The following TEX11 variants were observed in gnomAD, a reference collection of about 807,000 sequenced individuals.
TEX11 encodes testis expressed 11.
Under a neutral mutation model 84.4 loss-of-function variants are expected in TEX11, and 7 were observed. The observed-to-expected ratio is 0.08, with a 90% CI of 0.05 to 0.16. The LOEUF (loss-of-function observed/expected upper bound fraction) is 0.16, where lower values mean the gene tolerates loss of function less well. Among genes scored for constraint, TEX11 ranks in the 10% least tolerant of loss-of-function variants. TEX11 has a pLI of 1.00. For missense variants in TEX11, 551 were observed against 660.5 expected, an observed-to-expected ratio of 0.83 and a Z score of 1.82; for synonymous variants, 264 against 222.8, an observed-to-expected ratio of 1.18 and a Z score of -1.64.
intron 12 of TEX11, 122 bp downstream of exon 12, chrX:70,725,140 T>C (rs773650535): frequency 3.5e-4 from 130 of 376,177 alleles, no homozygotes; most frequent in African/African-American, 2.9e-3. Context: ...TCCTGGGTGA[T>C]CATTTTCCTT....
At chrX:70,663,465 A>C (rs1288774422) in intron 16 of TEX11, among the ~76,000 whole-genome samples, 1 of 111,387 alleles carries the variant, frequency 9.0e-6, no homozygotes, top group Admixed American at 9.6e-5. Context: ...GTTTCTCGTA[A>C]ATCTTCCATT....
chrX:70,900,529 A>G (rs1441419176), intron 2 of TEX11, among the ~76,000 whole-genome samples: 1 of 111,171 alleles, frequency 9.0e-6, no homozygotes, highest in Admixed American at 9.7e-5. Context: ...AAAAACTCCG[A>G]ACAACCTAAT....
At chrX:70,899,676 G>A (rs2091791149) in intron 2 of TEX11, among the ~76,000 whole-genome samples, 1 of 107,103 alleles carries the variant, frequency 9.3e-6, no homozygotes, top group Non-Finnish European at 1.9e-5. Flanking sequence ...CTGTAATCTG[G>A]AGGCCGAGGC....
At chrX:70,663,999 T>A (rs1603205817) in intron 16 of TEX11, among the ~76,000 whole-genome samples, 2 of 112,178 alleles carry the variant, frequency 1.8e-5, no homozygotes, top group Middle Eastern at 4.6e-3. Context: ...ACGTAAATGT[T>A]CTGTAAATAG....
At chrX:70,742,894 G>A (rs751322524) in intron 10 of TEX11, among the ~76,000 whole-genome samples, 14 of 110,630 alleles carry the variant, frequency 1.3e-4, no homozygotes, top group African/African-American at 4.6e-4. Context: ...CACTGCACCC[G>A]GCTCCATGAC....
At chrX:70,763,365 T>C (rs2147771168) in intron 9 of TEX11, among the ~76,000 whole-genome samples, 1 of 111,518 alleles carries the variant, frequency 9.0e-6, no homozygotes, top group African/African-American at 3.3e-5. Context: ...GTCTCGTATC[T>C]TCTCACTTAT....
chrX:70,746,081 C>A (rs1003383806), intron 9 of TEX11, among the ~76,000 whole-genome samples: 3 of 111,806 alleles, frequency 2.7e-5, no homozygotes, highest in African/African-American at 9.7e-5. Flanking sequence ...TAAACTAAAT[C>A]TCAGTATAAC....
At chrX:70,799,796 G>A (rs1244572691) in intron 9 of TEX11, among the ~76,000 whole-genome samples, 2 of 111,915 alleles carry the variant, frequency 1.8e-5, no homozygotes, top group Admixed American at 9.5e-5. Flanking sequence ...CAATGGTTTT[G>A]GCACCCATTG....
intron 11 of TEX11, among the ~76,000 whole-genome samples, chrX:70,730,385 A>C (rs1231710836): frequency 1.8e-5 from 2 of 111,854 alleles, no homozygotes; most frequent in East Asian, 5.6e-4. Context: ...AAGACCCATC[A>C]GTGTGCTGTA....
chrX:70,584,939 C>T (rs946049303), intron 25 of TEX11, among the ~76,000 whole-genome samples: 1 of 111,398 alleles, frequency 9.0e-6, no homozygotes, highest in Non-Finnish European at 1.9e-5. Flanking sequence ...GAAGCTTAGC[C>T]CTAAGATCAG....
At chrX:70,741,475 G>A (rs924170335) in intron 10 of TEX11, among the ~76,000 whole-genome samples, 8 of 110,705 alleles carry the variant, frequency 7.2e-5, no homozygotes, top group African/African-American at 2.6e-4. Context: ...ACTTTTGGGG[G>A]TGTTGGGAAG....
chrX:70,853,573 A>G (rs1159749182), intron 5 of TEX11, among the ~76,000 whole-genome samples: 2 of 112,398 alleles, frequency 1.8e-5, no homozygotes, highest in African/African-American at 6.5e-5. Context: ...ACATCTTCTG[A>G]GGAAATATTA....
Position 70,874,027 on chromosome X carries a change from GTT to G in TEX11, c.160-722_160-721del, listed in dbSNP as rs778386689. 6.3e-5 allele frequency among the ~76,000 whole-genome samples: 7 copies of G among 111,270 alleles called. No homozygotes were observed. In the South Asian group the frequency reaches 2.7e-3, roughly 43 times the overall value. ...GTGCTGTCCTCACAGTAATGAGTGA[GTT>G]CTCAGTCTATTAGTTACTGCAAGAT... is the stretch of plus-strand genomic sequence containing the variant. On this transcript the variant is annotated intron_variant, in intron 3 of 29. Coordinates refer to ENST00000374333, the MANE Select transcript of TEX11 (RefSeq NM_031276.3).
intron 17 of TEX11, among the ~76,000 whole-genome samples, chrX:70,641,721 G>A (rs985466463): frequency 9.1e-6 from 1 of 110,108 alleles, no homozygotes; most frequent in African/African-American, 3.3e-5. Context: ...TGAAACCAAC[G>A]AGAACAAAGA....
chrX:70,774,911 A>G (rs1330958366), intron 9 of TEX11, among the ~76,000 whole-genome samples: 1 of 111,833 alleles, frequency 8.9e-6, no homozygotes, highest in African/African-American at 3.2e-5. Context: ...AACAACAACA[A>G]CAAACAAAGC....
In TEX11 at chrX:70,725,333, C is replaced by G; in HGVS notation, c.854G>C (p.Ser285Thr). 3.4e-6 allele frequency: 4 copies of G among 1,168,950 alleles called. No individual in the cohort carries two copies. Among genetic ancestry groups the G allele is most frequent in the Non-Finnish European group, 4.6e-6 (4 of 864,084 alleles). The change falls in exon 12 of 30, where the codon AGT becomes ACT. Residue 285 changes from serine (S) to threonine (T), a missense_variant. Transcript: ENST00000374333. ...AVNLANKEHL[S>T]SPGLFLKMKI... The stretch of plus-strand genomic sequence containing the variant: ...CATTTTTAAGAAAAGCCCAGGAGAA[C>G]TTAAATGTTCCTATTTTAAACAAAG...
chrX:70,689,231 C>T (rs1204492073), intron 13 of TEX11, among the ~76,000 whole-genome samples: 3 of 110,897 alleles, frequency 2.7e-5, no homozygotes, highest in Admixed American at 9.7e-5. Flanking sequence ...TAATAACTTA[C>T]GTTTAACTTA....
At chrX:70,808,107 C>CAAAAAAAAAAAAAAA (rs549201546) in intron 8 of TEX11, among the ~76,000 whole-genome samples, 4 of 32,610 alleles carry the variant, frequency 1.2e-4, no homozygotes, top group African/African-American at 7.2e-4. Flanking sequence ...GACTCTGTCT[C>CAAAAAAAAAAAAAAA]AAAAAAAAAA....
chrX:70,667,500 A>T (rs1569390733), intron 16 of TEX11, among the ~76,000 whole-genome samples: 1 of 112,198 alleles, frequency 8.9e-6, no homozygotes, highest in Non-Finnish European at 1.9e-5. Flanking sequence ...TTTTGAATGA[A>T]TGAACACTAA....
Sources: gnomAD v4.1 joint callset for allele counts (sites outside exome capture counted in the v4.1 genomes callset) on GRCh38, gnomAD v4.1.1 for gene constraint, MANE v1.5 for transcripts, NCBI Gene and HGNC (gene_info 2026-07-23, HGNC 2026-07-21) for gene names.